ACOT12: variants seen among roughly 807,000 people sequenced by gnomAD.
ACOT12 encodes acyl-CoA thioesterase 12, also known as acetyl-coenzyme A thioesterase.
Under a neutral mutation model 67.7 loss-of-function variants are expected in ACOT12, and 51 were observed. The observed-to-expected ratio is 0.75, with a 90% confidence interval of 0.60 to 0.95. The LOEUF (loss-of-function observed/expected upper bound fraction) is 0.95, where lower values mean the gene tolerates loss of function less well. Among genes scored for constraint, ACOT12 ranks in the 40% least tolerant of loss-of-function variants. The pLI is 0.00. For missense variants in ACOT12, 734 were observed against 708.1 expected (o/e 1.04, Z -0.41); for synonymous variants, 251 against 244.6 (o/e 1.03, Z -0.24).
chr5:81,311,508 T>G, the ACOT12 span, among the ~76,000 whole-genome samples: 1 of 152,172 alleles, frequency 6.6e-6, no homozygotes, highest in African/African-American at 2.4e-5. Flanking sequence ...CCTGACTTTA[T>G]AAGACACCTG....
intron 3 of ACOT12, 37 bp from the exon 4 acceptor site, chr5:81,363,926 C>A (rs1474769546): frequency 7.0e-7 from 1 of 1,438,312 alleles, no homozygotes; most frequent in African/African-American, 1.4e-5. Context: ...ACACTCTTGG[C>A]CAGTTCAGAT....
At chr5:81,361,315 G>T (rs79192208) in intron 4 of ACOT12, among the ~76,000 whole-genome samples, 22,297 of 151,234 alleles carry the variant, frequency 0.15, 1,752 homozygotes, top group Non-Finnish European at 0.16. Context: ...TGGGCTCAAG[G>T]GATCCTCTCA....
chr5:81,332,968 T>G (rs1758877671), intron 12 of ACOT12, among the ~76,000 whole-genome samples: 2 of 150,666 alleles, frequency 1.3e-5, no homozygotes, highest in South Asian at 2.1e-4. Context: ...ACTCGAGAGG[T>G]TGAGGTGGGA....
Position 81,392,297 on chromosome 5 carries a change from T to C in ACOT12, c.127+1691A>G, listed in dbSNP as rs183347181. Among the ~76,000 whole-genome samples, 7 of 152,324 alleles carry C rather than the reference T, an allele frequency of 4.6e-5. No homozygotes were observed. The East Asian group carries it at 1.3e-3, about 29-fold the overall frequency. On this transcript the variant is annotated intron_variant, in intron 1 of 14. Coordinates refer to ENST00000307624, the MANE Select transcript of ACOT12 (RefSeq NM_130767.3). ...TACACAGATTCAGTTACACCTTGGCTAAATAATGTCCCCTGCTTATGTGGT... is the reference window on the plus strand; with the variant it reads ...TACACAGATTCAGTTACACCTTGGCCAAATAATGTCCCCTGCTTATGTGGT...
chr5:81,350,573 C>A (rs1375990073), intron 5 of ACOT12, among the ~76,000 whole-genome samples: 2 of 152,082 alleles, frequency 1.3e-5, no homozygotes, highest in South Asian at 2.1e-4. Flanking sequence ...TGTGGAAATT[C>A]TTGGGAGCTG....
chr5:81,319,351 GT>G, the ACOT12 span, among the ~76,000 whole-genome samples: 1 of 152,144 alleles, frequency 6.6e-6, no homozygotes, highest in East Asian at 1.9e-4. Context: ...TAATTCAATG[GT>G]TTTAGTATAT....
intron 4 of ACOT12, among the ~76,000 whole-genome samples, chr5:81,360,391 A>G (rs1003116142): frequency 2.0e-5 from 3 of 152,252 alleles, no homozygotes; most frequent in South Asian, 2.1e-4. Context: ...AACATTTCCT[A>G]TCTTTGCAAA....
chr5:81,365,252 T>C (rs1052862377), intron 3 of ACOT12, among the ~76,000 whole-genome samples: 2 of 152,216 alleles, frequency 1.3e-5, no homozygotes, highest in African/African-American at 4.8e-5. Flanking sequence ...AGAATATCCG[T>C]ATCTGTATCT....
At chr5:81,383,677 T>C (rs1485046022) in intron 2 of ACOT12, among the ~76,000 whole-genome samples, 3 of 151,924 alleles carry the variant, frequency 2.0e-5, no homozygotes, top group Non-Finnish European at 4.4e-5. Context: ...TGACCCTGTG[T>C]AGGCCTAAGG....
the ACOT12 span, among the ~76,000 whole-genome samples, chr5:81,314,915 G>A: frequency 1.3e-5 from 2 of 152,090 alleles, no homozygotes; most frequent in Non-Finnish European, 2.9e-5. Context: ...GGGCTCCAGC[G>A]ATCCTCCCGC....
chr5:81,342,936 C>T (rs946502812), intron 10 of ACOT12, among the ~76,000 whole-genome samples, 181 bp from the exon 11 acceptor site: 1 of 152,148 alleles, frequency 6.6e-6, no homozygotes, highest in Non-Finnish European at 1.5e-5. Flanking sequence ...AGTCCCAGCA[C>T]TTTGGGAGGC....
In ACOT12 at chr5:81,393,880, A is replaced by G. The variant is rs1434813141; in HGVS notation, c.127+108T>C. The stretch of plus-strand genomic sequence containing the variant: ...CCCTATCCCTGGCTGCGCAGGGTTC[A>G]GCTCTCCGCAAGTACCTTCCTCGCC... On this transcript the variant is annotated intron_variant, in intron 1 of 14. Coordinates refer to ENST00000307624, the MANE Select transcript of ACOT12 (RefSeq NM_130767.3). 5 of 1,183,620 alleles carry G rather than the reference A, an allele frequency of 4.2e-6. No individual in the cohort carries two copies. In the East Asian group the frequency reaches 1.7e-4, roughly 41 times the overall value. 73.3% of individuals were successfully genotyped at this position (1,183,620 alleles called of 1,614,324 possible).
At chr5:81,313,410 TACTTA>T in the ACOT12 span, 1 of 152,370 alleles carries the variant, frequency 6.6e-6, no homozygotes, top group East Asian at 1.9e-4. Flanking sequence ...CAGTTTTTGT[TACTTA>T]ACCAGAATGA....
At chr5:81,355,614 AAG>A (rs1377156016) in intron 5 of ACOT12, among the ~76,000 whole-genome samples, 2 of 152,260 alleles carry the variant, frequency 1.3e-5, no homozygotes, top group African/African-American at 4.8e-5. Context: ...AGAAAATAAA[AAG>A]AGCAGCTTTG....
In ACOT12 at chr5:81,393,989, C is replaced by A; in HGVS notation, c.126G>T (p.Ala42=). Residue 42 remains alanine (A), a splice_region_variant and synonymous_variant, in exon 1 of 15, where the codon GCG becomes GCT. Transcript: ENST00000307624. The part of the protein sequence containing the change: ...LKWIDTTACL[A]AEKHAGVSCV... ...CCCGCAGCCCCGGCGCCCGCCTACC[C>A]GCCAGGCAGGCGGTGGTGTCGATCC... 7.3e-7 allele frequency: 1 copy of A among 1,375,072 alleles called. No individual in the cohort carries two copies. The allele number at this position is 1,375,072 out of a possible 1,614,324, so 85.2% of individuals were successfully genotyped here.
chr5:81,308,744 A>C, the ACOT12 span: 1 of 1,589,834 alleles, frequency 6.3e-7, no homozygotes, highest in Non-Finnish European at 8.5e-7. Context: ...TGTTTTGTTC[A>C]TGGGGAAAGC....
At chr5:81,329,496 G>T (rs538283057), downstream of ACOT12, among the ~76,000 whole-genome samples, 7 of 152,300 alleles carry the variant, frequency 4.6e-5, no homozygotes, top group South Asian at 1.2e-3. Flanking sequence ...GTGAGGGTTG[G>T]TAGGGGGAGC....
At chr5:81,325,568 T>A (rs182912164), downstream of ACOT12, among the ~76,000 whole-genome samples, 1 of 152,120 alleles carries the variant, frequency 6.6e-6, no homozygotes, top group African/African-American at 2.4e-5. Flanking sequence ...CGGGGGGGCA[T>A]GTAAAGCGGG....
intron 2 of ACOT12, among the ~76,000 whole-genome samples, chr5:81,381,215 T>C (rs961493288): frequency 6.6e-6 from 1 of 152,066 alleles, no homozygotes; most frequent in African/African-American, 2.4e-5. Flanking sequence ...TACAGGCGCG[T>C]GCCACCACAC....
Sources: gnomAD v4.1 joint callset for allele counts (sites outside exome capture counted in the v4.1 genomes callset) on GRCh38, gnomAD v4.1.1 for gene constraint, MANE v1.5 for transcripts, NCBI Gene and HGNC (gene_info 2026-07-23, HGNC 2026-07-21) for gene names.